Variants in ACOXL observed in about 807,000 individuals in gnomAD.
ACOXL encodes the protein acyl-CoA oxidase like.
Under a neutral mutation model 71.9 loss-of-function variants are expected in ACOXL, and 70 were observed. The ratio of observed to expected loss-of-function variants is 0.97; its 90% CI spans 0.80 to 1.19. The LOEUF (loss-of-function observed/expected upper bound fraction) is 1.19, where lower values mean the gene tolerates loss of function less well. Ranked by LOEUF, ACOXL falls within the 50% of genes most tolerant of loss-of-function variation. The pLI is 0.00. For missense variants in ACOXL, 703 were observed against 736.3 expected, an observed-to-expected ratio of 0.95 and a Z score of 0.52; for synonymous variants, 253 against 281.6, an observed-to-expected ratio of 0.90 and a Z score of 1.02.
chr2:110,869,157 T>C (rs2341873), intron 10 of ACOXL, among the ~76,000 whole-genome samples: 107,095 of 152,112 alleles, frequency 0.7, 37,828 homozygotes, highest in South Asian at 0.83. Flanking sequence ...ACATGGCCGA[T>C]GTCACACAGC....
At chr2:111,069,889 T>A (rs1246792306) in intron 16 of ACOXL, among the ~76,000 whole-genome samples, 10 of 151,960 alleles carry the variant, frequency 6.6e-5, no homozygotes. Context: ...AATTTGCTCC[T>A]TCCCATTGGA....
intron 14 of ACOXL, among the ~76,000 whole-genome samples, chr2:111,005,994 G>C (rs765476632): frequency 2.0e-5 from 3 of 152,202 alleles, no homozygotes; most frequent in African/African-American, 7.2e-5. Flanking sequence ...CGGTCTGAAT[G>C]GCAGATGTTT....
chr2:111,032,298 G>T (rs2065314139), intron 15 of ACOXL, among the ~76,000 whole-genome samples: 1 of 152,188 alleles, frequency 6.6e-6, no homozygotes, highest in South Asian at 2.1e-4. Context: ...GGTGCGCAGT[G>T]GGTGGAGGCC....
At chr2:110,735,654 T>C (rs1676741759) in intron 1 of ACOXL, among the ~76,000 whole-genome samples, 1 of 152,212 alleles carries the variant, frequency 6.6e-6, no homozygotes, top group African/African-American at 2.4e-5. Context: ...CTCCCAAGGA[T>C]GAGCCTGCTG....
chr2:110,768,296 G>A (rs1318584079), intron 1 of ACOXL, 72 bp from the exon 2 acceptor site: 3 of 1,241,404 alleles, frequency 2.4e-6, no homozygotes, highest in African/African-American at 3.0e-5. Context: ...TCTGAGCCCG[G>A]GGTCAAAGCA....
chr2:111,074,090 G>A (rs1487269247), intron 16 of ACOXL, among the ~76,000 whole-genome samples: 3 of 150,676 alleles, frequency 2.0e-5, no homozygotes, highest in Non-Finnish European at 4.4e-5. Flanking sequence ...TATTGACCTT[G>A]TATCCTGTAA....
At chr2:110,743,415 T>C (rs1677783300) in intron 1 of ACOXL, among the ~76,000 whole-genome samples, 1 of 152,240 alleles carries the variant, frequency 6.6e-6, no homozygotes, top group Non-Finnish European at 1.5e-5. Flanking sequence ...TACATTTTTT[T>C]CTAGAATATG....
intron 11 of ACOXL, among the ~76,000 whole-genome samples, chr2:110,929,020 G>T (rs1269799138): frequency 6.6e-6 from 1 of 152,134 alleles, no homozygotes; most frequent in Non-Finnish European, 1.5e-5. Context: ...TTTATCAGCG[G>T]CATGAAACGG....
chr2:110,932,450 T>C lies in ACOXL; in HGVS notation c.906-1039T>C, dbSNP rs559653368. Among the ~76,000 whole-genome samples the C allele has an allele frequency of 1.2e-4, 19 of 152,288 alleles. No individual in the cohort carries two copies. In the East Asian group the frequency reaches 3.5e-3, roughly 28 times the overall value. On this transcript the variant is annotated intron_variant, in intron 11 of 17. Coordinates refer to ENST00000439055, the MANE Select transcript of ACOXL (RefSeq NM_001142807.4). ...GAAGATAAGTTGTTTAAAGCAAAAA[T>C]AGGCATGAGGTTTATCACACATGCA... is the stretch of plus-strand genomic sequence containing the variant.
intron 10 of ACOXL, among the ~76,000 whole-genome samples, chr2:110,848,302 T>C (rs1453742178): frequency 2.6e-5 from 4 of 152,204 alleles, no homozygotes; most frequent in African/African-American, 9.7e-5. Flanking sequence ...GTTCCATCTG[T>C]CTCTTTTTCA....
At chr2:110,739,867 C>T (rs576605299) in intron 1 of ACOXL, among the ~76,000 whole-genome samples, 1 of 152,288 alleles carries the variant, frequency 6.6e-6, no homozygotes, top group African/African-American at 2.4e-5. Context: ...TGCTGCTATC[C>T]CTCGTGGAAT....
intron 12 of ACOXL, chr2:110,963,590 T>A: frequency 6.2e-7 from 1 of 1,605,068 alleles, no homozygotes; most frequent in Non-Finnish European, 8.5e-7. Flanking sequence ...TGTGTGTGTG[T>A]GTGTGTGTGT....
At chr2:110,809,884 C>T (rs1357236920) in intron 9 of ACOXL, among the ~76,000 whole-genome samples, 2 of 152,138 alleles carry the variant, frequency 1.3e-5, no homozygotes, top group African/African-American at 4.8e-5. Context: ...GTTAGGTGAG[C>T]ACAGCAGGCT....
At chr2:110,811,055 G>A (rs976823421) in intron 9 of ACOXL, among the ~76,000 whole-genome samples, 8 of 152,128 alleles carry the variant, frequency 5.3e-5, no homozygotes, top group Non-Finnish European at 1.5e-5. Context: ...TATCTTCACC[G>A]GGTCCCTTCC....
chr2:110,797,238 G>A (rs1049045070), intron 5 of ACOXL, among the ~76,000 whole-genome samples: 3 of 152,154 alleles, frequency 2.0e-5, no homozygotes, highest in Admixed American at 6.5e-5. Flanking sequence ...AAACCCCTGC[G>A]TTTTCTTCCT....
chr2:110,818,066 C>A (rs545741973), intron 9 of ACOXL, among the ~76,000 whole-genome samples: 108 of 150,582 alleles, frequency 7.2e-4, no homozygotes, highest in Non-Finnish European at 1.4e-3. Flanking sequence ...CAAGATAATT[C>A]CGAGCATCAA....
intron 9 of ACOXL, among the ~76,000 whole-genome samples, chr2:110,810,630 A>G (rs1187452216): frequency 6.6e-6 from 1 of 151,690 alleles, no homozygotes; most frequent in Non-Finnish European, 1.5e-5. Context: ...TCCATCATCC[A>G]CCCATCCATC....
chr2:111,061,844 C>G (rs61132499), intron 16 of ACOXL, among the ~76,000 whole-genome samples: 8,672 of 151,852 alleles, frequency 0.057, 426 homozygotes, highest in African/African-American at 0.13. Flanking sequence ...CAGAGAGATG[C>G]ACCCCAAAGC....
intron 1 of ACOXL, among the ~76,000 whole-genome samples, chr2:110,736,965 A>C (rs932471403): frequency 5.9e-5 from 9 of 152,114 alleles, no homozygotes; most frequent in Non-Finnish European, 1.2e-4. Flanking sequence ...TTTGGCCCCC[A>C]GCCACTTTGT....
Sources: allele counts gnomAD v4.1 joint callset (sites outside exome capture counted in the v4.1 genomes callset), GRCh38; gene constraint gnomAD v4.1.1; transcripts MANE v1.5; gene names NCBI Gene and HGNC (gene_info 2026-07-23, HGNC 2026-07-21).